SPACDR: variants seen among roughly 807,000 people sequenced by gnomAD.
SPACDR encodes uncharacterized protein C7orf61.
the SPACDR span, chr7:100,457,066 C>T: frequency 1.1e-6 from 1 of 913,286 alleles, no homozygotes; most frequent in Non-Finnish European, 1.6e-6. Context: ...CATAGATAAA[C>T]AGCAAAGGGC....
At chr7:100,456,737 G>T in the SPACDR span, 1 of 1,570,480 alleles carries the variant, frequency 6.4e-7, no homozygotes, top group South Asian at 1.2e-5. Context: ...ACTCTCTAAG[G>T]GTCTGGGGTT....
chr7:100,456,983 T>C, the SPACDR span: 2 of 1,609,940 alleles, frequency 1.2e-6, no homozygotes, highest in Admixed American at 1.7e-5. Context: ...AACTCACTGA[T>C]GACTGTAAGA....
At chr7:100,463,820 C>A in the SPACDR span, 1 of 1,247,516 alleles carries the variant, frequency 8.0e-7, no homozygotes, top group South Asian at 1.3e-5. Context: ...TCCAGCCCCT[C>A]CCCAGCTGTC....
At chr7:100,460,954 C>T in the SPACDR span, among the ~76,000 whole-genome samples, 1 of 152,148 alleles carries the variant, frequency 6.6e-6, no homozygotes, top group African/African-American at 2.4e-5. Flanking sequence ...TCTTCAAGGG[C>T]TCCCATTGCT....
At chr7:100,456,904 C>G in the SPACDR span, 5 of 1,613,694 alleles carry the variant, frequency 3.1e-6, no homozygotes, top group East Asian at 8.9e-5. Context: ...AGGTACACCT[C>G]CCACAGCAAC....
chr7:100,463,941 C>T, the SPACDR span: 1 of 1,601,918 alleles, frequency 6.2e-7, no homozygotes, highest in South Asian at 1.1e-5. Flanking sequence ...ATCATGAGGA[C>T]AGAGTGGTCT....
At chr7:100,457,014 GT>G in the SPACDR span, 272,530 of 1,545,866 alleles carry the variant, frequency 0.18, 25,817 homozygotes, top group Middle Eastern at 0.2. Flanking sequence ...ATGTGCATGC[GT>G]AAATAGCTGG....
the SPACDR span, among the ~76,000 whole-genome samples, chr7:100,461,186 C>T: frequency 4.0e-5 from 6 of 151,898 alleles, no homozygotes; most frequent in Admixed American, 6.6e-5. Flanking sequence ...CAGGATCAAG[C>T]GATTCTCCTG....
At chr7:100,463,769 A>G in the SPACDR span, 1 of 1,340,908 alleles carries the variant, frequency 7.5e-7, no homozygotes, top group Non-Finnish European at 1.1e-6. Flanking sequence ...AAGGCACAAA[A>G]GGGATGGAGC....
chr7:100,463,314 G>A, the SPACDR span: 3 of 1,435,312 alleles, frequency 2.1e-6, no homozygotes, highest in Admixed American at 6.4e-5. Context: ...GGAGGGGTGA[G>A]TCACTGGGGG....
the SPACDR span, chr7:100,463,874 A>G: frequency 6.2e-6 from 9 of 1,444,576 alleles, no homozygotes; most frequent in Admixed American, 1.5e-4. Flanking sequence ...ACAGGCCAGG[A>G]AGGGAGGGAA....
chr7:100,463,464 G>T, the SPACDR span: 1 of 1,613,814 alleles, frequency 6.2e-7, no homozygotes, highest in Non-Finnish European at 8.5e-7. Flanking sequence ...GATTGGCCCT[G>T]TTGGCCCAGC....
chr7:100,463,851 A>G, the SPACDR span: 25 of 1,352,396 alleles, frequency 1.8e-5, no homozygotes, highest in African/African-American at 1.0e-4. Flanking sequence ...TCCCCACTCC[A>G]TCTTGTTTGG....
chr7:100,462,195 T>A, the SPACDR span, among the ~76,000 whole-genome samples: 1 of 152,104 alleles, frequency 6.6e-6, no homozygotes, highest in Non-Finnish European at 1.5e-5. Context: ...GGTGGACGCA[T>A]AGGAAATATT....
the SPACDR span, chr7:100,463,625 T>C: frequency 1.9e-6 from 3 of 1,613,892 alleles, no homozygotes; most frequent in Non-Finnish European, 2.5e-6. Flanking sequence ...CTTCAATGAG[T>C]GTTTCTTGGA....
At chr7:100,457,849 A>G in the SPACDR span, among the ~76,000 whole-genome samples, 144 of 19,860 alleles carry the variant, frequency 7.3e-3, no homozygotes, top group East Asian at 0.039. Context: ...GTGTATATAT[A>G]TATATATATT....
the SPACDR span, chr7:100,463,471 C>T: frequency 6.2e-7 from 1 of 1,613,874 alleles, no homozygotes; most frequent in Admixed American, 1.7e-5. Context: ...CCTGTTGGCC[C>T]AGCTCCACCT....
At chr7:100,462,449 G>A in the SPACDR span, among the ~76,000 whole-genome samples, 2 of 151,822 alleles carry the variant, frequency 1.3e-5, no homozygotes, top group South Asian at 2.1e-4. Flanking sequence ...TCCTGACCTC[G>A]TGATCAGCCT....
the SPACDR span, among the ~76,000 whole-genome samples, chr7:100,460,375 A>G: frequency 3.6e-4 from 55 of 152,070 alleles, 1 homozygote; most frequent in East Asian, 0.011. Context: ...GGATCGCCTG[A>G]AGTCAAGAGT....
Sources: allele counts gnomAD v4.1 joint callset (sites outside exome capture counted in the v4.1 genomes callset), GRCh38; gene constraint gnomAD v4.1.1; transcripts MANE v1.5; gene names NCBI Gene and HGNC (gene_info 2026-07-23, HGNC 2026-07-21).